The following RAB7A variants were observed in gnomAD, a reference collection of about 807,000 sequenced individuals.
RAB7A encodes the protein ras-related protein Rab-7a.
RAB7A carries 2 observed loss-of-function variants against 24.5 expected under a neutral mutation model. The ratio of observed to expected loss-of-function variants is 0.08; its 90% CI spans 0.03 to 0.26. The LOEUF (loss-of-function observed/expected upper bound fraction) is 0.26. Ranked by LOEUF, RAB7A falls within the 10% of genes least tolerant of loss-of-function variation. The probability of loss-of-function intolerance (pLI) is 1.00; values close to 1 mark genes in which losing one functional copy is unlikely to be tolerated. For synonymous variants in RAB7A, 100 were observed against 95.9 expected, an observed-to-expected ratio of 1.04 and a Z score of -0.25; for missense variants, 118 against 255.7, an observed-to-expected ratio of 0.46 and a Z score of 3.67.
intron 1 of RAB7A, among the ~76,000 whole-genome samples, chr3:128,746,754 C>T (rs943388302): frequency 6.6e-6 from 1 of 151,636 alleles, no homozygotes; most frequent in Non-Finnish European, 1.5e-5. Context: ...TGGTCTCGAT[C>T]TCTTAACCTC....
At position 128,807,757 on chromosome 3, in the gene RAB7A, T is replaced by C. The variant is rs567939604; in HGVS notation, c.528+86T>C. 1,741 of 1,576,774 alleles carry C rather than the reference T, an allele frequency of 1.1e-3. 4 individuals are homozygous for C. Among genetic ancestry groups the C allele is most frequent in the Non-Finnish European group, 1.4e-3 (1,557 of 1,149,342 alleles). On this transcript the variant is annotated intron_variant, in intron 5 of 5. Coordinates refer to ENST00000265062, the MANE Select transcript of RAB7A (RefSeq NM_004637.6). The stretch of plus-strand genomic sequence containing the variant: ...GCCTGGCCTCCTGCCCTTAATCTTC[T>C]TCCCTAACCCACTCTTTTCTGTATA...
chr3:128,771,018 G>A (rs2070880166), intron 1 of RAB7A, among the ~76,000 whole-genome samples: 2 of 150,648 alleles, frequency 1.3e-5, no homozygotes, highest in South Asian at 4.2e-4. Context: ...CACCCAGGCT[G>A]GAGTGCAGTG....
chr3:128,729,202 A>G (rs1369397950), intron 1 of RAB7A, among the ~76,000 whole-genome samples: 1 of 152,122 alleles, frequency 6.6e-6, no homozygotes, highest in Non-Finnish European at 1.5e-5. Context: ...CTTTATAGTA[A>G]AGTGTGGCTT....
At chr3:128,740,566 G>T (rs1245366804) in intron 1 of RAB7A, among the ~76,000 whole-genome samples, 1 of 151,924 alleles carries the variant, frequency 6.6e-6, no homozygotes, top group Non-Finnish European at 1.5e-5. Context: ...TTTAATGAAT[G>T]GGAAAAATTT....
Position 128,739,753 on chromosome 3 carries a change from G to A in RAB7A, c.-9+13394G>A, listed in dbSNP as rs531782980. Among the ~76,000 whole-genome samples the A allele has an allele frequency of 3.7e-4, 56 of 152,142 alleles. 1 individual carries two copies. The highest frequency in any genetic ancestry group is 1.3e-3 in the African/African-American group (55 of 41,508). On this transcript the variant is annotated intron_variant, in intron 1 of 5. Transcript: ENST00000265062. ...AACAATCCTCTAAATGAACATTTCAGTTATTTCCAGCTCTTTAAGAAAAGT... is the reference window on the plus strand; with the variant it reads ...AACAATCCTCTAAATGAACATTTCAATTATTTCCAGCTCTTTAAGAAAAGT...
intron 1 of RAB7A, among the ~76,000 whole-genome samples, chr3:128,757,980 AG>A (rs1266008654): frequency 1.3e-5 from 2 of 149,886 alleles, no homozygotes; most frequent in Admixed American, 6.6e-5. Flanking sequence ...TTTTATTTTT[AG>A]AGTCAGGGTC....
intron 1 of RAB7A, among the ~76,000 whole-genome samples, chr3:128,779,308 G>T (rs1479709020): frequency 6.6e-6 from 1 of 151,930 alleles, no homozygotes; most frequent in Non-Finnish European, 1.5e-5. Flanking sequence ...CAGCTACTCA[G>T]GAGGCTGAAG....
intron 1 of RAB7A, among the ~76,000 whole-genome samples, chr3:128,742,648 G>A (rs2070566312): frequency 6.6e-6 from 1 of 151,996 alleles, no homozygotes; most frequent in Non-Finnish European, 1.5e-5. Context: ...GAAACCTTGA[G>A]CTAGACACAG....
chr3:128,762,758 T>C (rs1335284080), intron 1 of RAB7A, among the ~76,000 whole-genome samples: 3 of 152,210 alleles, frequency 2.0e-5, no homozygotes. Flanking sequence ...AGCTTCTGCC[T>C]CAACTGTCCT....
At chr3:128,764,821 T>C in intron 1 of RAB7A, 1 of 951,286 alleles carries the variant, frequency 1.1e-6, no homozygotes, top group East Asian at 2.4e-5. Flanking sequence ...TTTCTCGGCA[T>C]GTTCCCTCTC....
At chr3:128,749,342 C>CT (rs908225274) in intron 1 of RAB7A, 1 of 152,102 alleles carries the variant, frequency 6.6e-6, no homozygotes, top group Non-Finnish European at 1.5e-5. Context: ...TATATATATA[C>CT]TTTGGTATAG....
At position 128,806,314 on chromosome 3, in the gene RAB7A, ATGCTCCTGGTGCTC is replaced by A. The variant is rs1439733542; in HGVS notation, c.181-54_181-41del. 5 of 1,501,740 alleles carry A rather than the reference ATGCTCCTGGTGCTC, an allele frequency of 3.3e-6. No individual in the cohort carries two copies. In the East Asian group the frequency reaches 1.1e-4, roughly 34 times the overall value. 93.0% of individuals were successfully genotyped at this position (1,501,740 alleles called of 1,614,324 possible). A position where few individuals can be genotyped will look rare whatever the true frequency, so the allele number is the denominator to read the frequency against. On this transcript the variant is annotated intron_variant, in intron 3 of 5. Coordinates refer to ENST00000265062, the MANE Select transcript of RAB7A (RefSeq NM_004637.6). Reference sequence around the variant, plus strand: ...ATTTCTTCTGGCACCCCTTGCATACATGCTCCTGGTGCTCTGCCTAGCATTCTCCCAAGGAATGA... The same window carrying A: ...ATTTCTTCTGGCACCCCTTGCATACATGCCTAGCATTCTCCCAAGGAATGA...
intron 1 of RAB7A, among the ~76,000 whole-genome samples, chr3:128,776,977 C>T (rs1024207971): frequency 6.6e-6 from 1 of 151,916 alleles, no homozygotes; most frequent in East Asian, 1.9e-4. Context: ...CACACACACA[C>T]ACACACACAC....
intron 1 of RAB7A, among the ~76,000 whole-genome samples, chr3:128,789,955 T>C (rs1933421305): frequency 6.6e-6 from 1 of 152,066 alleles, no homozygotes; most frequent in Non-Finnish European, 1.5e-5. Flanking sequence ...CACGCGCAGC[T>C]TAATTTTTGT....
At chr3:128,782,176 T>C (rs1488595880) in intron 1 of RAB7A, among the ~76,000 whole-genome samples, 2 of 152,238 alleles carry the variant, frequency 1.3e-5, no homozygotes, top group East Asian at 3.8e-4. Context: ...ATAGGGACTG[T>C]GATCTCAAGT....
chr3:128,743,272 G>A lies in RAB7A; in HGVS notation c.-9+16913G>A, dbSNP rs376976360. Among the ~76,000 whole-genome samples, 19 of 152,294 alleles carry A rather than the reference G, an allele frequency of 1.2e-4. No individual in the cohort carries two copies. The East Asian group carries it at 1.9e-3, about 15-fold the overall frequency. On this transcript the variant is annotated intron_variant, in intron 1 of 5. Coordinates refer to ENST00000265062, the MANE Select transcript of RAB7A (RefSeq NM_004637.6). The stretch of plus-strand genomic sequence containing the variant: ...GAACTCCCGCTGGTCCGCGAGTGCC[G>A]CGCGCAGCCCCAGTTTCCCGCCCAT...
intron 1 of RAB7A, chr3:128,764,951 C>T (rs1022317481): frequency 9.4e-6 from 15 of 1,596,182 alleles, no homozygotes; most frequent in African/African-American, 2.7e-5. Flanking sequence ...TTGATCTGGC[C>T]GTTGATGGCG....
At chr3:128,763,371 C>G (rs1039902386) in intron 1 of RAB7A, among the ~76,000 whole-genome samples, 5 of 151,426 alleles carry the variant, frequency 3.3e-5, no homozygotes, top group African/African-American at 1.2e-4. Context: ...CCCGCCACCA[C>G]GCCTGGCTAA....
intron 1 of RAB7A, among the ~76,000 whole-genome samples, chr3:128,775,128 C>T (rs906986108): frequency 7.9e-5 from 12 of 152,172 alleles, no homozygotes; most frequent in African/African-American, 1.9e-4. Context: ...AGGAGTGGGC[C>T]ACTGAGCAGG....
Sources: gnomAD v4.1 joint callset for allele counts (sites outside exome capture counted in the v4.1 genomes callset) on GRCh38, gnomAD v4.1.1 for gene constraint, MANE v1.5 for transcripts, NCBI Gene and HGNC (gene_info 2026-07-23, HGNC 2026-07-21) for gene names.